The following NPY4R2 variants were observed in gnomAD, a reference collection of about 807,000 sequenced individuals.
NPY4R2 encodes the protein neuropeptide Y receptor Y4-2.
For synonymous variants in NPY4R2, 6 were observed against 115.2 expected (o/e 0.05, Z 6.07); for missense variants, 7 against 268.8 (o/e 0.03, Z 6.81).
chr10:47,915,121 C>T (rs1841647332), upstream of NPY4R2, among the ~76,000 whole-genome samples: 1 of 151,478 alleles, frequency 6.6e-6, no homozygotes. Flanking sequence ...TTGGCAGCTG[C>T]CCTTCAGAAT....
At chr10:47,916,403 C>G (rs4979658), upstream of NPY4R2, among the ~76,000 whole-genome samples, 11 of 125,688 alleles carry the variant, frequency 8.8e-5, 1 homozygote, top group African/African-American at 2.4e-4. Flanking sequence ...GGTCTGGCAG[C>G]CAACTCTGGG....
chr10:47,922,940 AC>A lies in NPY4R2; in HGVS notation c.956del (p.Pro319HisfsTer20). 1 of 651,044 alleles carries A rather than the reference AC, an allele frequency of 1.5e-6. No individual in the cohort carries two copies. Among genetic ancestry groups the A allele is most frequent in the African/African-American group, 2.1e-5 (1 of 48,428 alleles). 40.3% of individuals were successfully genotyped at this position (651,044 alleles called of 1,614,324 possible). A position where few individuals can be genotyped will look rare whatever the true frequency, so the allele number is the denominator to read the frequency against. ...CTTGCCATGGCCTCCACCTGTGTCA[AC>A]CCATTCATCTATGGCTTTCTCAACA... On this transcript the variant is annotated frameshift_variant, in exon 3 of 3. Coordinates refer to ENST00000576178, the Ensembl canonical transcript of NPY4R2. LOFTEE classifies it high-confidence loss of function.
At chr10:47,918,423 AAGAAAGAAAG>A (rs1185424064), upstream of NPY4R2, among the ~76,000 whole-genome samples, 597 of 34,784 alleles carry the variant, frequency 0.017, 29 homozygotes, top group East Asian at 0.027. Flanking sequence ...GAAAGAAAGA[AAGAAAGAAAG>A]AGAGAGAGAA....
upstream of NPY4R2, among the ~76,000 whole-genome samples, chr10:47,915,011 T>C (rs1841643688): frequency 6.6e-6 from 1 of 152,288 alleles, no homozygotes; most frequent in African/African-American, 2.4e-5. Context: ...GAAAATAAAC[T>C]GGTTTCCCCG....
At chr10:47,917,297 AGC>A (rs1841678729), upstream of NPY4R2, among the ~76,000 whole-genome samples, 1 of 19,614 alleles carries the variant, frequency 5.1e-5, no homozygotes, top group Admixed American at 7.0e-4. Context: ...GCCAGTCTAC[AGC>A]GATGGTGAGC....
At chr10:47,918,367 G>A (rs1332049154), upstream of NPY4R2, among the ~76,000 whole-genome samples, 13 of 17,210 alleles carry the variant, frequency 7.6e-4, no homozygotes, top group African/African-American at 4.6e-3. Flanking sequence ...GAGAGAGAGA[G>A]AGAGAGAGAG....
intron 1 of NPY4R2, among the ~76,000 whole-genome samples, chr10:47,920,486 TAAGTAG>T (rs1195488687): frequency 4.0e-5 from 3 of 75,694 alleles, no homozygotes; most frequent in African/African-American, 1.6e-4. Context: ...CTCATCTTTA[TAAGTAG>T]ATCAGATGCA....
At chr10:47,918,431 A>AAGAAAGAAAGAAAGAG (rs1554991177), upstream of NPY4R2, among the ~76,000 whole-genome samples, 1 of 31,110 alleles carries the variant, frequency 3.2e-5, no homozygotes, top group Admixed American at 3.5e-4. Flanking sequence ...GAAAGAAAGA[A>AAGAAAGAAAGAAAGAG]AGAGAGAGAG....
At chr10:47,918,411 AAGAAAGAAAGAAAGAAAGAAAG>A (rs1565142163), upstream of NPY4R2, among the ~76,000 whole-genome samples, 1 of 30,096 alleles carries the variant, frequency 3.3e-5, no homozygotes, top group African/African-American at 2.2e-4. Context: ...GAAAGAAAGA[AAGAAAGAAAGAAAGAAAGAAAG>A]AGAGAGAGAA....
chr10:47,919,921 GGT>G (rs1468849187), intron 1 of NPY4R2, among the ~76,000 whole-genome samples: 1 of 3,498 alleles, frequency 2.9e-4, no homozygotes. Context: ...TGGGATGAAT[GGT>G]GTTTCTCCAC....
upstream of NPY4R2, among the ~76,000 whole-genome samples, chr10:47,918,400 A>AGAAAGAAG (rs1841692494): frequency 7.8e-5 from 2 of 25,762 alleles, 1 homozygote; most frequent in Non-Finnish European, 1.5e-4. Context: ...AAAGAAAGAA[A>AGAAAGAAG]GAAAGAAAGA....
At chr10:47,915,169 C>T (rs1841648367), upstream of NPY4R2, among the ~76,000 whole-genome samples, 1 of 149,142 alleles carries the variant, frequency 6.7e-6, no homozygotes, top group Non-Finnish European at 1.5e-5. Context: ...GGACATTTCT[C>T]AGGGAGCTGT....
At chr10:47,922,469 TGCTCATCTG>T (rs1840828320) in exon 3 of NPY4R2, 1 of 761,038 alleles carries the variant, frequency 1.3e-6, no homozygotes, top group South Asian at 1.8e-5. Context: ...CTGGGGATTG[TGCTCATCTG>T]GGTCATTGCC....
At chr10:47,918,403 A>G (rs1256403713), upstream of NPY4R2, among the ~76,000 whole-genome samples, 7 of 26,132 alleles carry the variant, frequency 2.7e-4, no homozygotes, top group African/African-American at 1.7e-3. Context: ...GAAAGAAAGA[A>G]AGAAAGAAAG....
chr10:47,918,383 G>GAGAAAGAAAGAAAGAA (rs1227500817), upstream of NPY4R2, among the ~76,000 whole-genome samples: 219 of 10,468 alleles, frequency 0.021, 18 homozygotes, highest in East Asian at 0.032. Context: ...GAGAGAGAGA[G>GAGAAAGAAAGAAAGAA]AGAAAGAAAG....
rs1554988769 is a variant in NPY4R2 at position 47,923,017 on chromosome 10, GC to G, written c.1036del (p.Leu346TrpfsTer21). 200 of 549,478 alleles carry G rather than the reference GC, an allele frequency of 3.6e-4. No individual in the cohort carries two copies. The African/African-American group carries it at 4.1e-3, about 11-fold the overall frequency. The allele number at this position is 549,478 out of a possible 1,614,324, so 34.0% of individuals were successfully genotyped here. A position where few individuals can be genotyped will look rare whatever the true frequency, so the allele number is the denominator to read the frequency against. On this transcript the variant is annotated frameshift_variant, in exon 3 of 3. Transcript: ENST00000576178. LOFTEE classifies it high-confidence loss of function. ...CCTGGTGCTGACTTGCCAGCAGAGC[GC>G]CCCCCTGGAGGAGTCAGAGCATCTG...
At chr10:47,914,877 A>G (rs1841145532), upstream of NPY4R2, among the ~76,000 whole-genome samples, 2 of 151,222 alleles carry the variant, frequency 1.3e-5, no homozygotes, top group South Asian at 2.1e-4. Context: ...GTTATTTTCT[A>G]TTCCCTAAGT....
chr10:47,922,191 G>T (rs1841771289), exon 3 of NPY4R2: 1 of 504,214 alleles, frequency 2.0e-6, no homozygotes, highest in Non-Finnish European at 2.8e-6. Context: ...TAACTGTGAG[G>T]CAGAAGGAGA....
chr10:47,920,620 TG>T (rs1279307854), intron 1 of NPY4R2, 117 bp from the exon 2 acceptor site: 4 of 127,238 alleles, frequency 3.1e-5, no homozygotes, highest in African/African-American at 9.0e-5. Flanking sequence ...AAAATACATA[TG>T]GCCATGATAT....
Sources: gnomAD v4.1 joint callset for allele counts (sites outside exome capture counted in the v4.1 genomes callset) on GRCh38, gnomAD v4.1.1 for gene constraint, MANE v1.5 for transcripts, NCBI Gene and HGNC (gene_info 2026-07-23, HGNC 2026-07-21) for gene names.